The following TRAK2 variants were observed in gnomAD, a reference collection of about 807,000 sequenced individuals.
TRAK2 encodes trafficking kinesin-binding protein 2.
A neutral mutation model predicts 104.6 loss-of-function variants in TRAK2; 81 were observed. The ratio of observed to expected loss-of-function variants is 0.77; its 90% CI spans 0.65 to 0.93. TRAK2 has a LOEUF of 0.93. Ranked by LOEUF, TRAK2 falls within the 40% of genes least tolerant of loss-of-function variation. TRAK2 has a pLI of 0.00. For missense variants in TRAK2, 1,002 were observed against 1,089.0 expected, an observed-to-expected ratio of 0.92 and a Z score of 1.12; for synonymous variants, 406 against 394.4, an observed-to-expected ratio of 1.03 and a Z score of -0.35.
intron 3 of TRAK2, among the ~76,000 whole-genome samples, chr2:201,403,297 G>T (rs1485263863): frequency 6.6e-6 from 1 of 152,148 alleles, no homozygotes; most frequent in Non-Finnish European, 1.5e-5. Flanking sequence ...CTTGTATGAG[G>T]AATCTTCTCT....
chr2:201,393,642 A>G (rs1951468466), intron 9 of TRAK2, among the ~76,000 whole-genome samples: 1 of 152,194 alleles, frequency 6.6e-6, no homozygotes, highest in Non-Finnish European at 1.5e-5. Context: ...AGGGTTGAAG[A>G]TGCTTATTAA....
intron 2 of TRAK2, among the ~76,000 whole-genome samples, chr2:201,414,141 C>T (rs1216526163): frequency 1.3e-5 from 2 of 152,168 alleles, no homozygotes; most frequent in African/African-American, 2.4e-5. Context: ...TACATCACTA[C>T]TCTCTCACTT....
At chr2:201,393,259 A>G (rs1951464811) in intron 9 of TRAK2, among the ~76,000 whole-genome samples, 1 of 152,180 alleles carries the variant, frequency 6.6e-6, no homozygotes, top group Admixed American at 6.6e-5. Context: ...CTTGGCCAAA[A>G]TTATACACGG....
intron 4 of TRAK2, among the ~76,000 whole-genome samples, chr2:201,400,699 T>C (rs1951543363): frequency 6.6e-6 from 1 of 152,034 alleles, no homozygotes; most frequent in African/African-American, 2.4e-5. Context: ...GCTTTCTGAA[T>C]GGGCAGCTCT....
intron 1 of TRAK2, among the ~76,000 whole-genome samples, chr2:201,434,715 T>A (rs1951869106): frequency 6.6e-6 from 1 of 152,232 alleles, no homozygotes; most frequent in African/African-American, 2.4e-5. Flanking sequence ...GTTTTCAAAC[T>A]ATACTTCTGG....
At chr2:201,442,074 G>T (rs532235097) in intron 1 of TRAK2, among the ~76,000 whole-genome samples, 1 of 151,598 alleles carries the variant, frequency 6.6e-6, no homozygotes, top group African/African-American at 2.4e-5. Flanking sequence ...AGAGAGGTAG[G>T]TGCCTATAGT....
chr2:201,384,445 G>T (rs1393275286), intron 14 of TRAK2, among the ~76,000 whole-genome samples: 3 of 151,630 alleles, frequency 2.0e-5, no homozygotes, highest in Admixed American at 2.0e-4. Flanking sequence ...CATAAACAAA[G>T]ATTAGAAATG....
chr2:201,385,456 G>A (rs1951380394), intron 14 of TRAK2, among the ~76,000 whole-genome samples: 1 of 151,928 alleles, frequency 6.6e-6, no homozygotes, highest in Non-Finnish European at 1.5e-5. Flanking sequence ...GATTACAGGT[G>A]TGAGCTACCA....
rs1334758361 is a variant in TRAK2 at position 201,377,945 on chromosome 2, A to G, written c.*2598T>C. 3 of 152,590 alleles carry G rather than the reference A, an allele frequency of 2.0e-5. No homozygotes were observed. Among genetic ancestry groups the G allele is most frequent in the Admixed American group, 1.3e-4 (2 of 15,276 alleles). 9.5% of individuals were successfully genotyped at this position (152,590 alleles called of 1,614,324 possible). A position where few individuals can be genotyped will look rare whatever the true frequency, so the allele number is the denominator to read the frequency against. ...AGTACACATACAATTTTTATCGTAGAAAAGACTAAAATGTGAATAGTGACA... is the reference window on the plus strand; with the variant it reads ...AGTACACATACAATTTTTATCGTAGGAAAGACTAAAATGTGAATAGTGACA... On this transcript the variant is annotated 3_prime_UTR_variant, in exon 16 of 16. Coordinates refer to ENST00000332624, the MANE Select transcript of TRAK2 (RefSeq NM_015049.3).
At chr2:201,408,767 C>A (rs774492231) in intron 2 of TRAK2, among the ~76,000 whole-genome samples, 49 of 152,022 alleles carry the variant, frequency 3.2e-4, no homozygotes, top group Non-Finnish European at 6.8e-4. Flanking sequence ...GAAAATAGTT[C>A]CAAAGGGATA....
chr2:201,421,248 T>C (rs566415080), intron 1 of TRAK2, among the ~76,000 whole-genome samples: 1 of 152,304 alleles, frequency 6.6e-6, no homozygotes, highest in Non-Finnish European at 1.5e-5. Flanking sequence ...TATACTGTTG[T>C]AAGGCTTTTA....
intron 9 of TRAK2, among the ~76,000 whole-genome samples, chr2:201,394,365 C>T (rs1229808265): frequency 2.5e-5 from 3 of 118,004 alleles, no homozygotes; most frequent in Non-Finnish European, 3.5e-5. Flanking sequence ...TTTTTTGAGA[C>T]GAAGTCTTGC....
At chr2:201,390,278 C>T (rs977987000) in intron 10 of TRAK2, among the ~76,000 whole-genome samples, 3 of 151,504 alleles carry the variant, frequency 2.0e-5, no homozygotes, top group Non-Finnish European at 4.4e-5. Flanking sequence ...GGTGCGGTGG[C>T]TCACACCTGT....
At chr2:201,413,377 T>A in intron 2 of TRAK2, 1 of 663,288 alleles carries the variant, frequency 1.5e-6, no homozygotes, top group Non-Finnish European at 2.5e-6. Context: ...CTGGGCCTCT[T>A]TTTCCCCACC....
At position 201,420,721 on chromosome 2, in the gene TRAK2, T is replaced by A. The variant is rs2125654735; in HGVS notation, c.-199-15A>T. On this transcript the variant is annotated splice_polypyrimidine_tract_variant and intron_variant, in intron 1 of 15. Transcript: ENST00000332624. ...ACAGTCATGACCTAAAACAAAAACA[T>A]CAAGTGACTAGAACTCAGCATGCTC... 2 of 455,916 alleles carry A rather than the reference T, an allele frequency of 4.4e-6. No individual in the cohort carries two copies. The highest frequency in any genetic ancestry group is 7.3e-5 in the East Asian group (2 of 27,464). 28.2% of individuals were successfully genotyped at this position (455,916 alleles called of 1,614,324 possible).
intron 1 of TRAK2, among the ~76,000 whole-genome samples, chr2:201,422,227 G>A (rs181232984): frequency 6.6e-5 from 10 of 151,930 alleles, no homozygotes; most frequent in African/African-American, 2.2e-4. Flanking sequence ...ATGCCCATAC[G>A]GTATTGGTTT....
At chr2:201,433,416 A>G (rs1951857864) in intron 1 of TRAK2, 1 of 152,248 alleles carries the variant, frequency 6.6e-6, no homozygotes, top group Non-Finnish European at 1.5e-5. Flanking sequence ...TGACTTAAAG[A>G]TAAGTAGGGT....
Position 201,380,592 on chromosome 2 carries a change from G to A in TRAK2, c.2696C>T (p.Ala899Val), listed in dbSNP as rs1337299999. Reference sequence around the variant, plus strand: ...TTTGGGTGAGGATGTGCAAACTGGGGCAGCAAAGCTACCCATTATGACTGG... The same window carrying A: ...TTTGGGTGAGGATGTGCAAACTGGGACAGCAAAGCTACCCATTATGACTGG... ...SLPVIMGSFA[A>V]PVCTSSPKMG... Residue 899 changes from alanine (A) to valine (V), a missense_variant, in exon 16 of 16, where the codon GCC becomes GTC. Physicochemically the swap from Ala to Val is moderately conservative, Grantham distance 64. Coordinates refer to ENST00000332624, the MANE Select transcript of TRAK2 (RefSeq NM_015049.3). 3.7e-6 allele frequency: 6 copies of A among 1,613,902 alleles called. No homozygotes were observed. Among genetic ancestry groups the A allele is most frequent in the African/African-American group, 1.3e-5 (1 of 75,030 alleles).
At chr2:201,397,896 C>CA in intron 6 of TRAK2, 1 of 558,910 alleles carries the variant, frequency 1.8e-6, no homozygotes, top group Non-Finnish European at 3.2e-6. Flanking sequence ...TAGTTACTTG[C>CA]GTAAACTCCA....
Sources: gnomAD v4.1 joint callset for allele counts (sites outside exome capture counted in the v4.1 genomes callset) on GRCh38, gnomAD v4.1.1 for gene constraint, MANE v1.5 for transcripts, NCBI Gene and HGNC (gene_info 2026-07-23, HGNC 2026-07-21) for gene names.